Variants in HAUS7 observed in about 807,000 individuals in gnomAD.
The protein encoded by HAUS7 is HAUS augmin like complex subunit 7, also known as HAUS augmin-like complex subunit 7.
Under a neutral mutation model 28.4 loss-of-function variants are expected in HAUS7, and 3 were observed. The ratio of observed to expected loss-of-function variants is 0.11; its 90% CI spans 0.05 to 0.27. HAUS7 has a LOEUF of 0.27. HAUS7 is among the 10% of genes least tolerant of loss of function. The pLI, the probability that HAUS7 is intolerant of heterozygous loss-of-function variation, is 1.00. For missense variants in HAUS7, 284 were observed against 297.3 expected, an observed-to-expected ratio of 0.96 and a Z score of 0.33; for synonymous variants, 165 against 132.1, an observed-to-expected ratio of 1.25 and a Z score of -1.71.
upstream of HAUS7, among the ~76,000 whole-genome samples, chrX:153,471,643 C>A (rs1285986669): frequency 8.9e-6 from 1 of 112,688 alleles, no homozygotes; most frequent in African/African-American, 3.2e-5. Flanking sequence ...ACTGTGCCCT[C>A]CTCTGTGCCC....
chrX:153,474,175 C>T (rs34332689), upstream of HAUS7, among the ~76,000 whole-genome samples: 22,725 of 111,788 alleles, frequency 0.2, 2,624 homozygotes, highest in East Asian at 0.83. Context: ...CCTAGGCCTC[C>T]GTGTTCATCT....
chrX:153,470,671 AC>A, upstream of HAUS7: 1 of 1,042,932 alleles, frequency 9.6e-7, no homozygotes, highest in Non-Finnish European at 1.3e-6. Flanking sequence ...CCCCTTCCCG[AC>A]CGACCCTTCC....
intron 1 of HAUS7, chrX:153,481,551 G>C: frequency 1.3e-6 from 1 of 756,404 alleles, no homozygotes; most frequent in South Asian, 6.7e-5. Flanking sequence ...TGCCGGCCTC[G>C]TGCCTCCTGG....
intron 5 of HAUS7, 144 bp downstream of exon 5, chrX:153,456,991 CCT>C (rs782210787): frequency 7.9e-5 from 38 of 479,448 alleles, no homozygotes; most frequent in African/African-American, 3.6e-4. Context: ...CTGCCCGGCC[CCT>C]GATTGGCCAG....
At chrX:153,494,084 G>C (rs1471244702) in intron 1 of HAUS7, among the ~76,000 whole-genome samples, 8 of 111,714 alleles carry the variant, frequency 7.2e-5, no homozygotes, top group Non-Finnish European at 1.3e-4. Context: ...ACGGGACAGG[G>C]GGGCAGTGTC....
At chrX:153,465,736 C>T (rs1382093211) in intron 2 of HAUS7, among the ~76,000 whole-genome samples, 1 of 112,394 alleles carries the variant, frequency 8.9e-6, no homozygotes, top group Non-Finnish European at 1.9e-5. Context: ...GACACCCAGA[C>T]ATGCACCACA....
At chrX:153,483,427 A>T in intron 1 of HAUS7, 1 of 755,608 alleles carries the variant, frequency 1.3e-6, no homozygotes, top group Non-Finnish European at 1.6e-6. Flanking sequence ...TGGCACCCCG[A>T]GCCTGGATTC....
At chrX:153,493,196 C>T (rs2089682400) in intron 1 of HAUS7, among the ~76,000 whole-genome samples, 1 of 112,481 alleles carries the variant, frequency 8.9e-6, no homozygotes, top group Non-Finnish European at 1.9e-5. Context: ...CTAGCACCCA[C>T]TGCCCACAAA....
At chrX:153,485,612 T>C (rs938744965) in intron 1 of HAUS7, among the ~76,000 whole-genome samples, 18 of 111,516 alleles carry the variant, frequency 1.6e-4, no homozygotes, top group African/African-American at 5.2e-4. Flanking sequence ...CACACAGGAG[T>C]TGCCAGAGTC....
At chrX:153,488,903 C>T (rs782287661) in intron 1 of HAUS7, among the ~76,000 whole-genome samples, 1 of 113,010 alleles carries the variant, frequency 8.8e-6, no homozygotes, top group Non-Finnish European at 1.9e-5. Context: ...CCAGGCAGGC[C>T]ACCCACAGGT....
At chrX:153,452,505 T>A (rs1185822123) in intron 9 of HAUS7, among the ~76,000 whole-genome samples, 1 of 112,413 alleles carries the variant, frequency 8.9e-6, no homozygotes, top group African/African-American at 3.2e-5. Context: ...CACTTAAAAA[T>A]AACTTTTAAA....
chrX:153,459,454 TTGA>T (rs2089358692), intron 4 of HAUS7, among the ~76,000 whole-genome samples: 1 of 112,018 alleles, frequency 8.9e-6, no homozygotes, highest in South Asian at 3.7e-4. Context: ...TAGTGTCAAA[TTGA>T]TGACTTTATA....
At chrX:153,479,353 C>T in intron 1 of HAUS7, 1 of 754,691 alleles carries the variant, frequency 1.3e-6, no homozygotes. Flanking sequence ...GGCTACCCTG[C>T]AGCTGCTGCC....
In HAUS7 at chrX:153,460,324, G is replaced by A. The variant is rs782000025; in HGVS notation, c.354+2286C>T. On this transcript the variant is annotated intron_variant, in intron 4 of 9. Transcript: ENST00000370211. ...GATGAAAATGTTGTGGAACTGGATA[G>A]AGGTGGTGGTCATACAACACTGTGA... Among the ~76,000 whole-genome samples the A allele has an allele frequency of 1.3e-4, 15 of 111,834 alleles. No homozygotes were observed. The Admixed American group carries it at 1.4e-3, about 11-fold the overall frequency.
intron 1 of HAUS7, among the ~76,000 whole-genome samples, chrX:153,493,163 C>G (rs917194943): frequency 3.6e-5 from 4 of 112,297 alleles, no homozygotes; most frequent in African/African-American, 1.3e-4. Flanking sequence ...AAAAGAAAAC[C>G]CATACCTTTA....
intron 5 of HAUS7, 71 bp downstream of exon 5, chrX:153,457,066 C>T: frequency 7.0e-6 from 5 of 709,493 alleles, no homozygotes; most frequent in Non-Finnish European, 1.1e-5. Context: ...CACCCCAGCC[C>T]CTACCAGCTC....
intron 1 of HAUS7, among the ~76,000 whole-genome samples, chrX:153,492,627 G>A (rs922217337): frequency 4.5e-5 from 5 of 111,334 alleles, no homozygotes; most frequent in African/African-American, 9.8e-5. Flanking sequence ...TCGCCTCATC[G>A]CCACTTCCAA....
upstream of HAUS7, among the ~76,000 whole-genome samples, chrX:153,471,398 G>A (rs1004509905): frequency 8.9e-6 from 1 of 112,303 alleles, no homozygotes; most frequent in Admixed American, 9.4e-5. Flanking sequence ...ACGGCTCCTG[G>A]GGCTACCTGT....
At chrX:153,450,498 C>T (rs1280290283) in intron 9 of HAUS7, among the ~76,000 whole-genome samples, 4 of 112,498 alleles carry the variant, frequency 3.6e-5, no homozygotes, top group African/African-American at 9.7e-5. Context: ...CTTCCCCGCC[C>T]GCTGAGCCCG....
Sources: allele counts gnomAD v4.1 joint callset (sites outside exome capture counted in the v4.1 genomes callset), GRCh38; gene constraint gnomAD v4.1.1; transcripts MANE v1.5; gene names NCBI Gene and HGNC (gene_info 2026-07-23, HGNC 2026-07-21).